Variants in HIKESHI observed in about 807,000 individuals in gnomAD.
The protein encoded by HIKESHI is protein Hikeshi.
In HIKESHI, 13 loss-of-function variants were observed where a neutral mutation model predicts 25.7. That is an observed-to-expected ratio of 0.51 (90% confidence interval 0.33 to 0.80). The LOEUF (loss-of-function observed/expected upper bound fraction) is 0.80, where lower values mean the gene tolerates loss of function less well. Among genes scored for constraint, HIKESHI ranks in the 30% least tolerant of loss-of-function variants. The pLI is 0.02. For synonymous variants in HIKESHI, 76 were observed against 78.7 expected (o/e 0.97, Z 0.18); for missense variants, 174 against 229.5 (o/e 0.76, Z 1.56).
chr11:86,303,779 A>G (rs1158284180), intron 1 of HIKESHI, among the ~76,000 whole-genome samples: 1 of 152,174 alleles, frequency 6.6e-6, no homozygotes, highest in Non-Finnish European at 1.5e-5. Flanking sequence ...AGAAAAATCT[A>G]CTTATCTAAA....
At chr11:86,335,132 T>A (rs372844634) in intron 2 of HIKESHI, among the ~76,000 whole-genome samples, 30 of 152,246 alleles carry the variant, frequency 2.0e-4, no homozygotes, top group African/African-American at 7.2e-4. Flanking sequence ...GGTACTGATA[T>A]AGGGAGCAGG....
intron 2 of HIKESHI, among the ~76,000 whole-genome samples, chr11:86,329,604 G>A (rs949789029): frequency 5.4e-5 from 8 of 147,288 alleles, no homozygotes; most frequent in Non-Finnish European, 4.5e-5. Flanking sequence ...TTGCCTTATG[G>A]TATTGTCTAG....
chr11:86,343,091 A>C (rs894339062), intron 3 of HIKESHI, among the ~76,000 whole-genome samples: 8 of 152,206 alleles, frequency 5.3e-5, no homozygotes, highest in Non-Finnish European at 1.2e-4. Context: ...TGAACATGGT[A>C]TATCTTTCCA....
intron 2 of HIKESHI, among the ~76,000 whole-genome samples, chr11:86,333,654 T>C (rs2138392394): frequency 6.6e-6 from 1 of 152,248 alleles, no homozygotes; most frequent in South Asian, 2.1e-4. Context: ...TAGTAAAGGA[T>C]GTGTTCTGCT....
chr11:86,331,715 G>A (rs1438221899), intron 2 of HIKESHI, among the ~76,000 whole-genome samples: 2 of 152,120 alleles, frequency 1.3e-5, no homozygotes, highest in African/African-American at 4.8e-5. Context: ...TTTTTATCTA[G>A]TGTAAAATTA....
chr11:86,302,362 G>A lies in HIKESHI; in HGVS notation c.-87G>A. 1.3e-6 allele frequency: 2 copies of A among 1,512,152 alleles called. No individual in the cohort carries two copies. Among genetic ancestry groups the A allele is most frequent in the Non-Finnish European group, 1.8e-6 (2 of 1,114,928 alleles). The allele number at this position is 1,512,152 out of a possible 1,614,324, so 93.7% of individuals were successfully genotyped here. On this transcript the variant is annotated 5_prime_UTR_variant, in exon 1 of 5. Transcript: ENST00000278483. ...AGACACCCTCCCGCAAATTCTGGAA[G>A]GTTCTTAGTCTCGACTAGGGCAGTA...
intron 2 of HIKESHI, among the ~76,000 whole-genome samples, chr11:86,317,753 C>T (rs528821334): frequency 1.3e-5 from 2 of 150,222 alleles, no homozygotes; most frequent in Admixed American, 6.6e-5. Flanking sequence ...TGCAGTGAGC[C>T]GACATCACGC....
At chr11:86,340,079 C>T (rs771397508) in intron 3 of HIKESHI, among the ~76,000 whole-genome samples, 7 of 152,166 alleles carry the variant, frequency 4.6e-5, no homozygotes, top group Non-Finnish European at 7.3e-5. Flanking sequence ...AGGACTTGAA[C>T]TCACCCTTTT....
chr11:86,309,311 G>A lies in HIKESHI; in HGVS notation c.268+2829G>A, dbSNP rs142523944. Among the ~76,000 whole-genome samples, 1,458 of 152,238 alleles carry A rather than the reference G, an allele frequency of 9.6e-3. 16 individuals carry two copies. The highest frequency in any genetic ancestry group is 0.016 in the Non-Finnish European group (1,097 of 68,022). On this transcript the variant is annotated intron_variant, in intron 2 of 4. Transcript: ENST00000278483. ...TTGTGGTTTTGATTTGCATTTCTCT[G>A]ATGACCAGTGATAATGGGCATTTTT...
At chr11:86,323,588 A>T (rs746865259) in intron 2 of HIKESHI, among the ~76,000 whole-genome samples, 2 of 152,162 alleles carry the variant, frequency 1.3e-5, no homozygotes, top group Non-Finnish European at 2.9e-5. Context: ...AGTTTTGCCA[A>T]TGTTTTGAAT....
chr11:86,321,718 T>C (rs1317195526), intron 2 of HIKESHI, among the ~76,000 whole-genome samples: 2 of 151,806 alleles, frequency 1.3e-5, no homozygotes, highest in Admixed American at 1.3e-4. Flanking sequence ...TTAGTAGAGA[T>C]GGGGTTTCAC....
intron 2 of HIKESHI, among the ~76,000 whole-genome samples, chr11:86,335,452 G>T (rs1209175898): frequency 2.0e-5 from 3 of 152,160 alleles, no homozygotes; most frequent in Admixed American, 2.0e-4. Flanking sequence ...AAGGGTACGT[G>T]CATTCCCAGA....
intron 3 of HIKESHI, among the ~76,000 whole-genome samples, chr11:86,339,291 G>T (rs1384709262): frequency 6.6e-6 from 1 of 152,048 alleles, no homozygotes; most frequent in Non-Finnish European, 1.5e-5. Flanking sequence ...CTCGTTATCC[G>T]CCTGCCTTGG....
chr11:86,324,724 A>G (rs1405518074), intron 2 of HIKESHI, among the ~76,000 whole-genome samples: 2 of 152,146 alleles, frequency 1.3e-5, no homozygotes, highest in South Asian at 2.1e-4. Context: ...GTTTGATTAT[A>G]TTGGGAAAAC....
intron 2 of HIKESHI, chr11:86,323,879 A>T (rs1452235268): frequency 2.6e-5 from 4 of 152,250 alleles, no homozygotes; most frequent in African/African-American, 9.6e-5. Context: ...AGAGTTAAAC[A>T]GTCTAAAACT....
In HIKESHI at chr11:86,325,328, G is replaced by T. The variant is rs570839707; in HGVS notation, c.269-12051G>T. ...TCTGTTGGGAGAACTACATGTACTTGTAGGGTGTCTTAAAGCCAGTTACTG... is the reference window on the plus strand; with the variant it reads ...TCTGTTGGGAGAACTACATGTACTTTTAGGGTGTCTTAAAGCCAGTTACTG... On this transcript the variant is annotated intron_variant, in intron 2 of 4. Coordinates refer to ENST00000278483, the MANE Select transcript of HIKESHI (RefSeq NM_016401.4). Among the ~76,000 whole-genome samples the T allele has an allele frequency of 2.6e-3, 402 of 152,246 alleles. 3 individuals are homozygous for T. The highest frequency in any genetic ancestry group is 9.3e-3 in the African/African-American group (387 of 41,556).
At chr11:86,343,871 G>T (rs1350800613) in intron 3 of HIKESHI, 1 of 152,198 alleles carries the variant, frequency 6.6e-6, no homozygotes, top group Non-Finnish European at 1.5e-5. Flanking sequence ...ATTATCTTCA[G>T]AAGTTCAGTT....
intron 2 of HIKESHI, among the ~76,000 whole-genome samples, chr11:86,312,167 G>A (rs1488360049): frequency 6.6e-6 from 1 of 152,152 alleles, no homozygotes; most frequent in East Asian, 1.9e-4. Flanking sequence ...GGGTGTTAAA[G>A]TCTCCCATTA....
intron 2 of HIKESHI, among the ~76,000 whole-genome samples, chr11:86,314,996 G>A (rs1946936387): frequency 6.6e-6 from 1 of 152,144 alleles, no homozygotes; most frequent in Non-Finnish European, 1.5e-5. Flanking sequence ...GGCATTCATG[G>A]TACACATACC....
Sources: allele counts gnomAD v4.1 joint callset (sites outside exome capture counted in the v4.1 genomes callset), GRCh38; gene constraint gnomAD v4.1.1; transcripts MANE v1.5; gene names NCBI Gene and HGNC (gene_info 2026-07-23, HGNC 2026-07-21).